The following IARS2 variants were observed in gnomAD, a reference collection of about 807,000 sequenced individuals.
IARS2 encodes isoleucyl-tRNA synthetase 2, mitochondrial.
In IARS2, 56 loss-of-function variants were observed where a neutral mutation model predicts 126.3. The ratio of observed to expected loss-of-function variants is 0.44; its 90% CI spans 0.36 to 0.55. The LOEUF is 0.55. IARS2 is among the 20% of genes least tolerant of loss of function. The pLI is 0.00. For synonymous variants in IARS2, 407 were observed against 441.1 expected (o/e 0.92, Z 0.97); for missense variants, 1,127 against 1,245.9 (o/e 0.90, Z 1.44).
chr1:220,130,072 T>C, intron 14 of IARS2, among the ~76,000 whole-genome samples: 1 of 152,240 alleles, frequency 6.6e-6, no homozygotes, highest in Non-Finnish European at 1.5e-5. Flanking sequence ...TAAGATGATA[T>C]ATCACTGTGG....
intron 19 of IARS2, 35 bp from the exon 20 acceptor site, chr1:220,141,768 T>G: frequency 6.2e-7 from 1 of 1,609,114 alleles, no homozygotes; most frequent in Non-Finnish European, 8.5e-7. Context: ...ATGTATAAAG[T>G]ATTGTCAACT....
At position 220,094,211 on chromosome 1, in the gene IARS2, C is replaced by G. The variant is rs750485716; in HGVS notation, c.-6C>G. Reference sequence around the variant, plus strand: ...GGAGGACCCCGCTCTCAGGGGTTGCCGGACCATGCGTTGGGGGCTGCGCCC... The same window carrying G: ...GGAGGACCCCGCTCTCAGGGGTTGCGGGACCATGCGTTGGGGGCTGCGCCC... On this transcript the variant is annotated 5_prime_UTR_variant, in exon 1 of 23. Transcript: ENST00000366922. 2.6e-6 allele frequency: 4 copies of G among 1,560,490 alleles called. No homozygotes were observed. The highest frequency in any genetic ancestry group is 2.6e-6 in the Non-Finnish European group (3 of 1,155,890).
chr1:220,099,084 G>C (rs982374699), intron 2 of IARS2, among the ~76,000 whole-genome samples: 2 of 152,038 alleles, frequency 1.3e-5, no homozygotes, highest in African/African-American at 4.8e-5. Flanking sequence ...ATGGTGGCAT[G>C]TGCCTGTAAT....
At chr1:220,105,557 G>GA (rs1656661905) in intron 8 of IARS2, among the ~76,000 whole-genome samples, 1 of 152,008 alleles carries the variant, frequency 6.6e-6, no homozygotes, top group Non-Finnish European at 1.5e-5. Context: ...TTTCTTTCCG[G>GA]AAAAAAATGA....
At chr1:220,114,234 A>T in intron 11 of IARS2, 80 bp from the exon 12 acceptor site, 1 of 1,287,508 alleles carries the variant, frequency 7.8e-7, no homozygotes, top group Admixed American at 1.7e-5. Flanking sequence ...CAAAAGAAAC[A>T]AATGCATTTG....
chr1:220,106,949 T>A lies in IARS2; in HGVS notation c.1237-112T>A, dbSNP rs761700117. On this transcript the variant is annotated intron_variant, in intron 9 of 22. Transcript: ENST00000366922. ...CCCGGCCAAGTACCTAGAATTTCAA[T>A]GTAGAAAAAGACCAGGCTATACTGA... The A allele has an allele frequency of 5.2e-6, 4 of 768,710 alleles. No individual in the cohort carries two copies. In the South Asian group the frequency reaches 6.4e-5, roughly 12 times the overall value. 47.6% of individuals were successfully genotyped at this position (768,710 alleles called of 1,614,324 possible).
chr1:220,101,159 G>T (rs1183339537), intron 3 of IARS2, among the ~76,000 whole-genome samples: 1 of 151,904 alleles, frequency 6.6e-6, no homozygotes, highest in Non-Finnish European at 1.5e-5. Flanking sequence ...GCTTAGATTT[G>T]ATATTCTGAT....
intron 2 of IARS2, among the ~76,000 whole-genome samples, chr1:220,097,499 G>A (rs540166480): frequency 2.0e-5 from 3 of 151,818 alleles, no homozygotes; most frequent in Non-Finnish European, 4.4e-5. Context: ...AAGTAGATGG[G>A]ACTACAGGCG....
At chr1:220,123,427 C>G (rs1054352642) in intron 12 of IARS2, among the ~76,000 whole-genome samples, 3 of 152,028 alleles carry the variant, frequency 2.0e-5, no homozygotes, top group Admixed American at 6.5e-5. Flanking sequence ...TACTGATATC[C>G]AGCTTTTATA....
At chr1:220,138,163 TTG>T in intron 17 of IARS2, 120 bp downstream of exon 17, 1 of 1,141,242 alleles carries the variant, frequency 8.8e-7, no homozygotes, top group South Asian at 1.4e-5. Context: ...TCTTCATTTA[TTG>T]TGAGATTTTA....
At chr1:220,142,914 A>G in intron 20 of IARS2, 30 bp from the exon 21 acceptor site, 1 of 1,522,060 alleles carries the variant, frequency 6.6e-7, no homozygotes, top group Middle Eastern at 1.7e-4. Flanking sequence ...GATGTTTGTA[A>G]AGCAGTTTAC....
intron 14 of IARS2, among the ~76,000 whole-genome samples, chr1:220,130,668 C>T (rs1200620788): frequency 6.6e-6 from 1 of 152,156 alleles, no homozygotes; most frequent in Non-Finnish European, 1.5e-5. Flanking sequence ...CGCCATTCTC[C>T]TGCCCCAGCC....
In IARS2 at chr1:220,147,676, T is replaced by G. The variant is rs754060987; in HGVS notation, c.*41T>G. On this transcript the variant is annotated 3_prime_UTR_variant, in exon 23 of 23. Transcript: ENST00000366922. ...CGAGCAAGAACCCTCCTGACAGTAC[T>G]GGCTAGAAGTTTGGATGGATTATTT... is the stretch of plus-strand genomic sequence containing the variant. 7.5e-6 allele frequency: 12 copies of G among 1,596,862 alleles called. No homozygotes were observed. In the East Asian group the frequency reaches 1.1e-4, roughly 15 times the overall value.
chr1:220,126,053 G>T (rs1387350548), intron 13 of IARS2, among the ~76,000 whole-genome samples: 1 of 149,808 alleles, frequency 6.7e-6, no homozygotes, highest in Non-Finnish European at 1.5e-5. Context: ...CTTGCAGTGA[G>T]CCGAGATCGC....
At chr1:220,098,289 C>T (rs528059883) in intron 2 of IARS2, among the ~76,000 whole-genome samples, 19 of 152,324 alleles carry the variant, frequency 1.2e-4, no homozygotes, top group Non-Finnish European at 2.4e-4. Flanking sequence ...AGGACCAATT[C>T]TTGCTCTTCC....
intron 21 of IARS2, chr1:220,144,401 A>G (rs1047936644): frequency 1.8e-6 from 1 of 566,940 alleles, no homozygotes. Flanking sequence ...AAGTTTTATT[A>G]GTGTCAGTTT....
intron 12 of IARS2, among the ~76,000 whole-genome samples, chr1:220,115,806 C>T (rs1656900907): frequency 6.6e-6 from 1 of 152,074 alleles, no homozygotes; most frequent in Non-Finnish European, 1.5e-5. Context: ...TCTGGCTCCT[C>T]TATAAAATAG....
chr1:220,114,205 G>T, intron 11 of IARS2, 109 bp from the exon 12 acceptor site: 1 of 950,304 alleles, frequency 1.1e-6, no homozygotes. Context: ...AGGGAGGTAT[G>T]TGAATGGCTA....
chr1:220,134,931 C>T (rs1428483443), intron 15 of IARS2: 1 of 152,586 alleles, frequency 6.6e-6, no homozygotes, highest in Non-Finnish European at 1.5e-5. Context: ...CCACACCTGG[C>T]TAATTTTTAA....
Sources: gnomAD v4.1 joint callset for allele counts (sites outside exome capture counted in the v4.1 genomes callset) on GRCh38, gnomAD v4.1.1 for gene constraint, MANE v1.5 for transcripts, NCBI Gene and HGNC (gene_info 2026-07-23, HGNC 2026-07-21) for gene names.